CALN1: variants seen among roughly 807,000 people sequenced by gnomAD.
The protein encoded by CALN1 is calneuron 1.
Under a neutral mutation model 30.6 loss-of-function variants are expected in CALN1, and 17 were observed. The ratio of observed to expected loss-of-function variants is 0.56; its 90% CI spans 0.38 to 0.83. The LOEUF (loss-of-function observed/expected upper bound fraction) is 0.83, where lower values mean the gene tolerates loss of function less well. CALN1 is among the 40% of genes least tolerant of loss of function. The pLI is 0.00. For synonymous variants in CALN1, 156 were observed against 131.4 expected, an observed-to-expected ratio of 1.19 and a Z score of -1.28; for missense variants, 291 against 354.9, an observed-to-expected ratio of 0.82 and a Z score of 1.45.
At chr7:71,974,274 C>A (rs1797991244) in intron 5 of CALN1, among the ~76,000 whole-genome samples, 1 of 151,810 alleles carries the variant, frequency 6.6e-6, no homozygotes. Flanking sequence ...AAAACTTAGC[C>A]AGGCATGGTG....
At chr7:72,304,857 T>C (rs183881844) in intron 2 of CALN1, among the ~76,000 whole-genome samples, 13 of 152,348 alleles carry the variant, frequency 8.5e-5, no homozygotes, top group African/African-American at 3.1e-4. Context: ...GTATATTTAG[T>C]TGTTTAACCT....
chr7:72,394,557 A>G (rs574406375), intron 2 of CALN1, among the ~76,000 whole-genome samples: 1 of 152,188 alleles, frequency 6.6e-6, no homozygotes, highest in Non-Finnish European at 1.5e-5. Flanking sequence ...GTGAAAAAAA[A>G]GTTGCATAGC....
intron 3 of CALN1, among the ~76,000 whole-genome samples, chr7:72,157,951 G>A (rs1344466284): frequency 6.6e-6 from 1 of 152,126 alleles, no homozygotes; most frequent in Non-Finnish European, 1.5e-5. Flanking sequence ...CACAATGTTG[G>A]CCAGGCTGGT....
At chr7:72,075,778 C>T (rs966486275) in intron 4 of CALN1, among the ~76,000 whole-genome samples, 9 of 152,144 alleles carry the variant, frequency 5.9e-5, no homozygotes, top group African/African-American at 2.2e-4. Context: ...GGCCCCCTGC[C>T]CTATCTTCAA....
At chr7:72,223,930 T>C (rs913430606) in intron 3 of CALN1, among the ~76,000 whole-genome samples, 1 of 152,162 alleles carries the variant, frequency 6.6e-6, no homozygotes, top group African/African-American at 2.4e-5. Context: ...TTCTGATGTA[T>C]ACATGGAGCT....
intron 2 of CALN1, among the ~76,000 whole-genome samples, chr7:72,354,986 T>C (rs567973312): frequency 2.0e-4 from 31 of 151,964 alleles, no homozygotes; most frequent in Non-Finnish European, 2.5e-4. Flanking sequence ...CACAGCTCAC[T>C]GCATCCTCCA....
In CALN1 at chr7:72,408,227, G is replaced by GT. The variant is rs1387071990; in HGVS notation, c.-74+3830dup. ...GGGGGTGGATCACCCAAGGTCAGGA[G>GT]TTTGAGCCCAGCCTGGCCAACATGG... On this transcript the variant is annotated intron_variant, in intron 1 of 6. Transcript: ENST00000395275. 1.3e-4 allele frequency among the ~76,000 whole-genome samples: 19 copies of GT among 149,114 alleles called. No homozygotes were observed. In the Middle Eastern group the frequency reaches 0.01, roughly 82 times the overall value.
intron 4 of CALN1, among the ~76,000 whole-genome samples, chr7:72,046,121 T>C (rs1465364090): frequency 1.3e-5 from 2 of 151,816 alleles, no homozygotes; most frequent in African/African-American, 2.4e-5. Context: ...GAGACCAGCC[T>C]GGGCAACCCA....
intron 2 of CALN1, among the ~76,000 whole-genome samples, chr7:72,312,149 A>G (rs1472480830): frequency 6.6e-6 from 1 of 152,122 alleles, no homozygotes; most frequent in African/African-American, 2.4e-5. Flanking sequence ...CACACCTGTA[A>G]TCCCAGCACT....
chr7:71,986,999 G>A (rs546343856), intron 5 of CALN1, among the ~76,000 whole-genome samples: 65 of 152,034 alleles, frequency 4.3e-4, no homozygotes, highest in African/African-American at 1.6e-3. Flanking sequence ...GGTAGTATAC[G>A]CCTGTAATCC....
intron 3 of CALN1, 59 bp downstream of exon 3, chr7:72,278,627 T>C (rs1475989703): frequency 6.3e-7 from 1 of 1,586,106 alleles, no homozygotes; most frequent in Non-Finnish European, 8.6e-7. Flanking sequence ...AGCTTCACAA[T>C]AGCCAGAAAC....
intron 3 of CALN1, among the ~76,000 whole-genome samples, chr7:72,198,663 C>A (rs1351941054): frequency 6.6e-6 from 1 of 151,932 alleles, no homozygotes; most frequent in African/African-American, 2.4e-5. Flanking sequence ...ATGGGACCCA[C>A]CTAAAAAAGA....
At chr7:72,490,496 A>G in the CALN1 span, among the ~76,000 whole-genome samples, 21 of 152,224 alleles carry the variant, frequency 1.4e-4, no homozygotes, top group East Asian at 2.7e-3. Flanking sequence ...CAGTAGGAAT[A>G]ATAGCACCTA....
At chr7:72,297,574 A>G (rs1303789680) in intron 2 of CALN1, among the ~76,000 whole-genome samples, 1 of 152,246 alleles carries the variant, frequency 6.6e-6, no homozygotes, top group Non-Finnish European at 1.5e-5. Context: ...ATGATTTAAT[A>G]TTATTCACAC....
Position 72,403,266 on chromosome 7 carries a change from G to A in CALN1, c.104C>T (p.Pro35Leu). Residue 35 changes from proline to leucine, a missense_variant, in exon 2 of 7, where the codon CCC becomes CTC. Physicochemically the swap from Pro to Leu is moderately conservative, Grantham distance 98. Around this residue, in one of 2 missense-constraint regions of CALN1, gnomAD observed 122 missense variants for 103.2 expected, o/e 1.18. Coordinates refer to ENST00000395275, the MANE Select transcript of CALN1 (RefSeq NM_031468.4). ...GAAGACTTGCCAGGTGGGGAAGTCG[G>A]GGGCCTGGCTCCTCGGCGGCTCCTC... is the stretch of plus-strand genomic sequence containing the variant. ...GGEEPPRSQA[P>L]DFPTWEKMPF... The A allele has an allele frequency of 6.5e-7, 1 of 1,549,814 alleles. No homozygotes were observed. The highest frequency in any genetic ancestry group is 8.7e-7 in the Non-Finnish European group (1 of 1,146,808).
At chr7:71,853,423 C>G (rs1790761822) in intron 5 of CALN1, among the ~76,000 whole-genome samples, 1 of 151,936 alleles carries the variant, frequency 6.6e-6, no homozygotes, top group African/African-American at 2.4e-5. Context: ...TACATTATCT[C>G]ATATGCTTAT....
At chr7:72,354,179 T>G (rs995018385) in intron 2 of CALN1, among the ~76,000 whole-genome samples, 2 of 152,002 alleles carry the variant, frequency 1.3e-5, no homozygotes, top group African/African-American at 4.8e-5. Flanking sequence ...AGAGCAAGAC[T>G]CCATCTCAAG....
intron 5 of CALN1, among the ~76,000 whole-genome samples, chr7:71,872,002 T>C (rs941199445): frequency 4.6e-5 from 7 of 152,230 alleles, no homozygotes; most frequent in African/African-American, 1.7e-4. Flanking sequence ...ATGTGTCTAC[T>C]AGGCACTTGA....
chr7:72,251,328 C>T (rs368062756), intron 3 of CALN1, among the ~76,000 whole-genome samples: 50 of 152,124 alleles, frequency 3.3e-4, no homozygotes, highest in Middle Eastern at 3.2e-3. Context: ...TCCTTCAGGG[C>T]CCATCTCAAG....
Sources: allele counts gnomAD v4.1 joint callset (sites outside exome capture counted in the v4.1 genomes callset), GRCh38; gene constraint gnomAD v4.1.1; regional missense constraint gnomAD v4.1.1; transcripts MANE v1.5; gene names NCBI Gene and HGNC (gene_info 2026-07-23, HGNC 2026-07-21).